The following PRKN variants were observed in gnomAD, a reference collection of about 807,000 sequenced individuals.
The protein encoded by PRKN is E3 ubiquitin-protein ligase parkin.
In PRKN, 56 loss-of-function variants were observed where a neutral mutation model predicts 59.5. The observed-to-expected ratio is 0.94, with a 90% confidence interval of 0.76 to 1.18. The LOEUF (loss-of-function observed/expected upper bound fraction) is 1.18. Among genes scored for constraint, PRKN ranks in the 50% most tolerant of loss-of-function variants. The probability of loss-of-function intolerance (pLI) is 0.00; values close to 1 mark genes in which losing one functional copy is unlikely to be tolerated. For synonymous variants in PRKN, 250 were observed against 222.1 expected, an observed-to-expected ratio of 1.13 and a Z score of -1.12; for missense variants, 657 against 596.4, an observed-to-expected ratio of 1.10 and a Z score of -1.06.
intron 7 of PRKN, among the ~76,000 whole-genome samples, chr6:161,621,943 T>C (rs1310671984): frequency 1.3e-5 from 2 of 152,208 alleles, no homozygotes; most frequent in East Asian, 1.9e-4. Context: ...CCTCAATATC[T>C]GATCTCACCT....
At chr6:162,248,775 GA>G (rs1187579775) in intron 3 of PRKN, among the ~76,000 whole-genome samples, 1 of 152,024 alleles carries the variant, frequency 6.6e-6, no homozygotes, top group East Asian at 1.9e-4. Context: ...TACTTATTTT[GA>G]ATGTTTTTAG....
chr6:161,691,341 G>C (rs1643282430), intron 7 of PRKN, among the ~76,000 whole-genome samples: 1 of 152,142 alleles, frequency 6.6e-6, no homozygotes, highest in African/African-American at 2.4e-5. Context: ...CTCTCACCCG[G>C]GTTTGCCAGG....
At chr6:162,653,153 T>C (rs1336943549) in intron 1 of PRKN, among the ~76,000 whole-genome samples, 1 of 152,250 alleles carries the variant, frequency 6.6e-6, no homozygotes, top group Non-Finnish European at 1.5e-5. Context: ...TAAAAATCGA[T>C]GATTGCATTG....
At position 161,486,248 on chromosome 6, in the gene PRKN, GT is replaced by G. The variant is rs5881412; in HGVS notation, c.1083+62605del. The stretch of plus-strand genomic sequence containing the variant: ...AGATAAGTGTGGCAAACAGTTATGT[GT>G]TTTTTTTAAACACCTCATTTTACAA... On this transcript the variant is annotated intron_variant, in intron 9 of 11. Transcript: ENST00000366898. Among the ~76,000 whole-genome samples the G allele has an allele frequency of 2.0e-5, 3 of 151,774 alleles. 1 individual carries two copies. Among genetic ancestry groups the G allele is most frequent in the South Asian group, 4.2e-4 (2 of 4,810 alleles).
chr6:162,056,472 A>T lies in PRKN; in HGVS notation c.535-2298T>A, dbSNP rs1422700726. Among the ~76,000 whole-genome samples the T allele has an allele frequency of 6.6e-6, 1 of 152,130 alleles. No individual in the cohort carries two copies. The highest frequency in any genetic ancestry group is 2.4e-5 in the African/African-American group (1 of 41,444). On this transcript the variant is annotated intron_variant, in intron 4 of 11. Coordinates refer to ENST00000366898, the MANE Select transcript of PRKN (RefSeq NM_004562.3). The surrounding 1 kb of genome is among the most constrained non-coding windows in gnomAD (Gnocchi z 4.9). ...TACCTGAAAGAGACTGAGCCTTTTG[A>T]CGGAGGCTCTTTACCCCAGACTTCA...
intron 9 of PRKN, among the ~76,000 whole-genome samples, chr6:161,539,584 T>C (rs1489575885): frequency 6.6e-6 from 1 of 152,232 alleles, no homozygotes; most frequent in Non-Finnish European, 1.5e-5. Flanking sequence ...ACATTGCTTT[T>C]ATTTTTAACA....
At chr6:162,459,912 G>A (rs897878246) in intron 1 of PRKN, among the ~76,000 whole-genome samples, 2 of 152,212 alleles carry the variant, frequency 1.3e-5, no homozygotes, top group Admixed American at 6.5e-5. Flanking sequence ...ACACACTGCA[G>A]GTGGGAATGT....
rs369086294 is a variant in PRKN, at chr6:162,652,292, T to C, written c.7+75370A>G. Among the ~76,000 whole-genome samples, 156 of 152,336 alleles carry C rather than the reference T, an allele frequency of 1.0e-3. 1 individual carries two copies. The highest frequency in any genetic ancestry group is 3.6e-3 in the African/African-American group (148 of 41,582). On this transcript the variant is annotated intron_variant, in intron 1 of 11. Transcript: ENST00000366898. ...TTTATAACCTGCTCTTCCAGCTGAC[T>C]GATATGTCATAGCGATCTTCTCAGC...
At chr6:161,916,386 G>A (rs923626297) in intron 6 of PRKN, among the ~76,000 whole-genome samples, 3 of 152,220 alleles carry the variant, frequency 2.0e-5, no homozygotes, top group African/African-American at 7.2e-5. Context: ...TGTATTATCA[G>A]TAGGTGAATA....
At chr6:162,318,511 T>C (rs898474171) in intron 2 of PRKN, among the ~76,000 whole-genome samples, 1 of 152,104 alleles carries the variant, frequency 6.6e-6, no homozygotes, top group Non-Finnish European at 1.5e-5. Context: ...TGATCATCTA[T>C]ATTTCAGTTG....
intron 7 of PRKN, among the ~76,000 whole-genome samples, chr6:161,601,878 G>A (rs1236328355): frequency 2.0e-5 from 3 of 152,132 alleles, no homozygotes; most frequent in Non-Finnish European, 4.4e-5. Context: ...CACCGCGCCC[G>A]GCATATAGTG....
At chr6:161,867,877 C>T (rs1018022055) in intron 6 of PRKN, among the ~76,000 whole-genome samples, 1 of 151,938 alleles carries the variant, frequency 6.6e-6, no homozygotes. Context: ...TCTCCTGCCT[C>T]AGCCTCCCGA....
rs1242252372 is a variant in PRKN, at chr6:161,461,029, C to T, written c.1084-74152G>A. Among the ~76,000 whole-genome samples, 1 of 151,910 alleles carries T rather than the reference C, an allele frequency of 6.6e-6. No individual in the cohort carries two copies. Among genetic ancestry groups the T allele is most frequent in the Non-Finnish European group, 1.5e-5 (1 of 67,996 alleles). On this transcript the variant is annotated intron_variant, in intron 9 of 11. Transcript: ENST00000366898. The surrounding 1 kb of genome is among the most constrained non-coding windows in gnomAD (Gnocchi z 5.1). ...GCCTTGGCTTCCCAAAGTACTGGGACTACAGGTGTGAGCCACCATGCCCGG... is the reference window on the plus strand; with the variant it reads ...GCCTTGGCTTCCCAAAGTACTGGGATTACAGGTGTGAGCCACCATGCCCGG...
Position 161,712,889 on chromosome 6 carries a change from T to C in PRKN, c.871+72883A>G, listed in dbSNP as rs796649272. 5.3e-5 allele frequency among the ~76,000 whole-genome samples: 8 copies of C among 152,204 alleles called. 1 individual carries two copies. Among genetic ancestry groups the C allele is most frequent in the African/African-American group, 1.7e-4 (7 of 41,542 alleles). On this transcript the variant is annotated intron_variant, in intron 7 of 11. Coordinates refer to ENST00000366898, the MANE Select transcript of PRKN (RefSeq NM_004562.3). Reference sequence around the variant, plus strand: ...ATGGTGGTGGGGGGGACTTGCCACATATACCAAGCAGTTCTCCAGTGGACA... The same window carrying C: ...ATGGTGGTGGGGGGGACTTGCCACACATACCAAGCAGTTCTCCAGTGGACA...
chr6:162,217,993 C>A (rs776930570), intron 3 of PRKN, among the ~76,000 whole-genome samples: 9 of 152,050 alleles, frequency 5.9e-5, no homozygotes, highest in African/African-American at 1.2e-4. Flanking sequence ...GTTTAGGGTG[C>A]GATTGAGAGG....
At chr6:161,898,336 A>G (rs547829159) in intron 6 of PRKN, among the ~76,000 whole-genome samples, 1 of 152,334 alleles carries the variant, frequency 6.6e-6, no homozygotes, top group African/African-American at 2.4e-5. Flanking sequence ...AATGAGCTAC[A>G]GGTTCTAGGG....
intron 3 of PRKN, among the ~76,000 whole-genome samples, chr6:162,235,914 G>A (rs7759995): frequency 8.7e-6 from 1 of 115,208 alleles, no homozygotes; most frequent in East Asian, 2.3e-4. Context: ...AGGAAGGAAG[G>A]AAGGAAGGAA....
intron 6 of PRKN, among the ~76,000 whole-genome samples, chr6:161,864,957 A>G (rs1028693059): frequency 6.6e-6 from 1 of 152,164 alleles, no homozygotes; most frequent in Non-Finnish European, 1.5e-5. Context: ...CCCGGCCTCC[A>G]AAAGGTTTTC....
At chr6:162,109,656 C>T (rs1056960165) in intron 4 of PRKN, among the ~76,000 whole-genome samples, 2 of 152,218 alleles carry the variant, frequency 1.3e-5, no homozygotes, top group Non-Finnish European at 2.9e-5. Flanking sequence ...ACAGTGTGCA[C>T]TCCTCTGCTA....
Sources: allele counts gnomAD v4.1 joint callset (sites outside exome capture counted in the v4.1 genomes callset), GRCh38; gene constraint gnomAD v4.1.1; non-coding constraint Gnocchi (gnomAD v3.1); transcripts MANE v1.5; gene names NCBI Gene and HGNC (gene_info 2026-07-23, HGNC 2026-07-21).